CNTNAP5: variants seen among roughly 807,000 people sequenced by gnomAD.
CNTNAP5 encodes contactin associated protein family member 5, also known as contactin-associated protein-like 5.
Under a neutral mutation model 150.2 loss-of-function variants are expected in CNTNAP5, and 72 were observed. The ratio of observed to expected loss-of-function variants is 0.48; its 90% CI spans 0.40 to 0.58. The LOEUF (loss-of-function observed/expected upper bound fraction) is 0.58. Among genes scored for constraint, CNTNAP5 ranks in the 20% least tolerant of loss-of-function variants. CNTNAP5 has a pLI of 0.00. For missense variants in CNTNAP5, 1,636 were observed against 1,626.2 expected, an observed-to-expected ratio of 1.01 and a Z score of -0.10; for synonymous variants, 672 against 619.8, an observed-to-expected ratio of 1.08 and a Z score of -1.25.
intron 1 of CNTNAP5, among the ~76,000 whole-genome samples, chr2:124,099,635 T>A (rs1683018904): frequency 6.6e-6 from 1 of 152,194 alleles, no homozygotes; most frequent in Non-Finnish European, 1.5e-5. Context: ...GGGCAATTTA[T>A]GAAGAAAAGA....
At chr2:124,483,852 G>A (rs575579165) in intron 7 of CNTNAP5, among the ~76,000 whole-genome samples, 7 of 152,342 alleles carry the variant, frequency 4.6e-5, no homozygotes, top group Admixed American at 1.3e-4. Context: ...AGAGTTCACA[G>A]CAGATGCCCT....
At chr2:124,748,782 C>T (rs1334301901) in intron 14 of CNTNAP5, among the ~76,000 whole-genome samples, 1 of 152,148 alleles carries the variant, frequency 6.6e-6, no homozygotes, top group African/African-American at 2.4e-5. Flanking sequence ...TGCTTGGGCA[C>T]CAGGGCAGGT....
At chr2:124,310,018 C>G (rs563259469) in intron 3 of CNTNAP5, among the ~76,000 whole-genome samples, 12 of 150,778 alleles carry the variant, frequency 8.0e-5, no homozygotes, top group Non-Finnish European at 1.3e-4. Context: ...TCTGTCTGCT[C>G]TGGGCAATTT....
intron 19 of CNTNAP5, among the ~76,000 whole-genome samples, chr2:124,810,082 T>C (rs1440979998): frequency 1.3e-5 from 2 of 152,226 alleles, no homozygotes; most frequent in African/African-American, 2.4e-5. Context: ...ATCAGTCATG[T>C]GTAATGTCGT....
At chr2:124,588,153 TCCTTTTCC>T (rs1216535784) in intron 11 of CNTNAP5, among the ~76,000 whole-genome samples, 6 of 98,802 alleles carry the variant, frequency 6.1e-5, no homozygotes, top group African/African-American at 2.0e-4. Flanking sequence ...CTTCCTTCCT[TCCTTTTCC>T]TTCCTTCCTT....
intron 20 of CNTNAP5, among the ~76,000 whole-genome samples, chr2:124,865,718 G>A (rs1192467882): frequency 1.3e-5 from 2 of 152,128 alleles, no homozygotes; most frequent in African/African-American, 4.8e-5. Flanking sequence ...GTCTGAGGCG[G>A]GCAGATCAAG....
intron 18 of CNTNAP5, among the ~76,000 whole-genome samples, chr2:124,791,949 T>C (rs1681743866): frequency 6.6e-6 from 1 of 152,156 alleles, no homozygotes; most frequent in African/African-American, 2.4e-5. Flanking sequence ...GTCCTCGCAA[T>C]GTAAGTAAGA....
intron 11 of CNTNAP5, among the ~76,000 whole-genome samples, chr2:124,579,634 A>G (rs1696367299): frequency 6.6e-6 from 1 of 152,192 alleles, no homozygotes; most frequent in African/African-American, 2.4e-5. Context: ...TTTTTTCAAA[A>G]GTTTTAAATG....
intron 1 of CNTNAP5, among the ~76,000 whole-genome samples, chr2:124,153,865 G>A (rs372388318): frequency 2.6e-5 from 4 of 151,824 alleles, no homozygotes; most frequent in African/African-American, 4.8e-5. Context: ...CACCCGCCTC[G>A]GCCTCCAAAA....
At chr2:124,493,231 G>A (rs759307057) in intron 7 of CNTNAP5, among the ~76,000 whole-genome samples, 20 of 152,018 alleles carry the variant, frequency 1.3e-4, no homozygotes, top group African/African-American at 3.4e-4. Flanking sequence ...CAAGATGATC[G>A]TAAGATTTTT....
rs571084908 is a variant in CNTNAP5, at chr2:124,040,388, C to T, written c.82+14656C>T. 9.9e-5 allele frequency among the ~76,000 whole-genome samples: 15 copies of T among 152,224 alleles called. 1 individual carries two copies. The South Asian group carries it at 2.9e-3, about 29-fold the overall frequency. On this transcript the variant is annotated intron_variant, in intron 1 of 23. Transcript: ENST00000682447. ...GGGCAAGATACTGTTACCTGAAAAA[C>T]ACAAAGCTCCTTCAACAATTATCTA...
intron 8 of CNTNAP5, among the ~76,000 whole-genome samples, chr2:124,507,525 G>A (rs1032193167): frequency 6.6e-6 from 1 of 152,140 alleles, no homozygotes; most frequent in African/African-American, 2.4e-5. Flanking sequence ...TGGCAAGACA[G>A]GTAATTGAGG....
intron 3 of CNTNAP5, among the ~76,000 whole-genome samples, chr2:124,407,803 G>A (rs2104765180): frequency 6.6e-6 from 1 of 152,260 alleles, no homozygotes; most frequent in East Asian, 1.9e-4. Flanking sequence ...ACATTTCAGG[G>A]AGGGGATTGA....
intron 1 of CNTNAP5, among the ~76,000 whole-genome samples, chr2:124,150,235 A>G (rs1684372984): frequency 2.0e-5 from 3 of 151,802 alleles, no homozygotes; most frequent in Non-Finnish European, 4.4e-5. Context: ...CTATATTTAA[A>G]TTAGTGTGTT....
rs1465865477 is a variant in CNTNAP5 at position 124,504,313 on chromosome 2, T to C, written c.1084T>C (p.Ser362Pro). The C allele has an allele frequency of 6.2e-7, 1 of 1,613,422 alleles. No individual in the cohort carries two copies. Among genetic ancestry groups the C allele is most frequent in the African/African-American group, 1.3e-5 (1 of 75,028 alleles). ...CCAGGGCAATGTCACTTTTTCCTGC[T>C]CCGAACCACAGATTGTGCCCATCAC... Reference protein sequence around the residue: ...YTVGNVTFSCSEPQIVPITFV... With the variant: ...YTVGNVTFSCPEPQIVPITFV... Residue 362 changes from serine (S) to proline (P), a missense_variant, in exon 8 of 24, where the codon TCC (serine) becomes CCC (proline). Transcript: ENST00000682447.
intron 3 of CNTNAP5, among the ~76,000 whole-genome samples, chr2:124,282,516 C>A (rs1416370254): frequency 6.6e-6 from 1 of 152,094 alleles, no homozygotes; most frequent in Non-Finnish European, 1.5e-5. Flanking sequence ...CTCACAGCAC[C>A]AAGCACCTCT....
chr2:124,809,255 A>G (rs1261999272), intron 19 of CNTNAP5, among the ~76,000 whole-genome samples: 1 of 152,172 alleles, frequency 6.6e-6, no homozygotes, highest in Non-Finnish European at 1.5e-5. Flanking sequence ...ACAAAAGATG[A>G]CAATGAAAGC....
intron 13 of CNTNAP5, among the ~76,000 whole-genome samples, chr2:124,705,876 G>A (rs1028859670): frequency 5.9e-5 from 9 of 152,058 alleles, no homozygotes; most frequent in African/African-American, 2.2e-4. Context: ...TTAACCCTTG[G>A]TTCATCATGC....
intron 10 of CNTNAP5, among the ~76,000 whole-genome samples, chr2:124,544,070 T>C (rs916912896): frequency 6.6e-6 from 1 of 152,114 alleles, no homozygotes; most frequent in Non-Finnish European, 1.5e-5. Context: ...ATGAAATTAC[T>C]TTCCCAAGAT....
Sources: gnomAD v4.1 joint callset for allele counts (sites outside exome capture counted in the v4.1 genomes callset) on GRCh38, gnomAD v4.1.1 for gene constraint, MANE v1.5 for transcripts, NCBI Gene and HGNC (gene_info 2026-07-23, HGNC 2026-07-21) for gene names.